Variants in GLI2 observed in about 807,000 individuals in gnomAD.
The protein encoded by GLI2 is GLI family zinc finger 2.
GLI2 carries 22 observed loss-of-function variants against 78.9 expected under a neutral mutation model. That is an observed-to-expected ratio of 0.28 (90% confidence interval 0.20 to 0.40). GLI2 has a LOEUF of 0.40. Ranked by LOEUF, GLI2 falls within the 10% of genes least tolerant of loss-of-function variation. The probability of loss-of-function intolerance (pLI) is 1.00; values close to 1 mark genes in which losing one functional copy is unlikely to be tolerated. For synonymous variants in GLI2, 974 were observed against 963.7 expected (o/e 1.01, Z -0.20); for missense variants, 2,097 against 2,213.2 (o/e 0.95, Z 1.05).
At chr2:120,915,741 A>G (rs1030444924) in intron 2 of GLI2, among the ~76,000 whole-genome samples, 4 of 152,096 alleles carry the variant, frequency 2.6e-5, no homozygotes, top group African/African-American at 9.7e-5. Context: ...AAGGGGAGAA[A>G]GTCCCTGGCA....
rs974236288 is a variant in GLI2 at position 120,888,555 on chromosome 2, G to A, written c.149-38806G>A. Among the ~76,000 whole-genome samples the A allele has an allele frequency of 5.9e-5, 9 of 152,204 alleles. 2 individuals carry two copies. The highest frequency in any genetic ancestry group is 5.2e-4 in the Admixed American group (8 of 15,300). On this transcript the variant is annotated intron_variant, in intron 2 of 13. Coordinates refer to ENST00000361492, the MANE Select transcript of GLI2 (RefSeq NM_001374353.1). ...GGCACCAGTGAGAGACACACAGGCC[G>A]TGAGGGCCATGTTCCCTAACAAACA... is the stretch of plus-strand genomic sequence containing the variant.
In GLI2 at chr2:120,975,062, T is replaced by C. The variant is rs992154166; in HGVS notation, c.1270T>C (p.Trp424Arg). 1 of 1,613,922 alleles carries C rather than the reference T, an allele frequency of 6.2e-7. No individual in the cohort carries two copies. The highest frequency in any genetic ancestry group is 8.5e-7 in the Non-Finnish European group (1 of 1,180,030). The change falls in exon 9 of 14, where the codon TGG becomes CGG. Residue 424 changes from tryptophan to arginine, a missense_variant. Coordinates refer to ENST00000361492, the MANE Select transcript of GLI2 (RefSeq NM_001374353.1). ...GGTCATCTATGAGACCAACTGCCAC[T>C]GGGAAGACTGCACCAAGGAGTACGA... is the stretch of plus-strand genomic sequence containing the variant. Reference protein sequence around the residue: ...EVVIYETNCHWEDCTKEYDTQ... With the variant: ...EVVIYETNCHREDCTKEYDTQ...
chr2:120,932,704 G>A (rs557956284), intron 3 of GLI2, among the ~76,000 whole-genome samples: 3 of 152,344 alleles, frequency 2.0e-5, no homozygotes, highest in Admixed American at 6.5e-5. Context: ...TGAGTAAAGC[G>A]TCTAGAACAC....
chr2:120,873,096 T>C (rs1488638611), intron 2 of GLI2, among the ~76,000 whole-genome samples: 1 of 152,216 alleles, frequency 6.6e-6, no homozygotes, highest in Non-Finnish European at 1.5e-5. Context: ...TGGGATTATA[T>C]TGTGCTTGCT....
chr2:120,851,080 A>G lies in GLI2; in HGVS notation c.148+53612A>G, dbSNP rs1401518948. Among the ~76,000 whole-genome samples, 9 of 152,324 alleles carry G rather than the reference A, an allele frequency of 5.9e-5. No individual in the cohort carries two copies. In the East Asian group the frequency reaches 1.7e-3, roughly 29 times the overall value. ...AAAAATCATACGCAGATCTTTTCTC[A>G]GCCTTTTGGCTAAGATCAAGTGTAA... On this transcript the variant is annotated intron_variant, in intron 2 of 13. Coordinates refer to ENST00000361492, the MANE Select transcript of GLI2 (RefSeq NM_001374353.1).
At chr2:120,915,378 C>T (rs944461692) in intron 2 of GLI2, among the ~76,000 whole-genome samples, 1 of 152,162 alleles carries the variant, frequency 6.6e-6, no homozygotes, top group Non-Finnish European at 1.5e-5. Context: ...CCTCCCCCCA[C>T]GTTTTTCCCC....
intron 2 of GLI2, among the ~76,000 whole-genome samples, chr2:120,816,850 G>A (rs1359242649): frequency 3.3e-5 from 5 of 152,122 alleles, no homozygotes; most frequent in Non-Finnish European, 7.4e-5. Flanking sequence ...AAGCCTTTTC[G>A]CCTAATTTGG....
chr2:120,783,765 G>GT (rs1306864656), intron 1 of GLI2, among the ~76,000 whole-genome samples: 1 of 152,136 alleles, frequency 6.6e-6, no homozygotes, highest in Admixed American at 6.5e-5. Flanking sequence ...TACTATCCAC[G>GT]TTGATTTAAG....
intron 2 of GLI2, among the ~76,000 whole-genome samples, chr2:120,917,769 C>G (rs1025310360): frequency 6.6e-6 from 1 of 152,232 alleles, no homozygotes; most frequent in African/African-American, 2.4e-5. Flanking sequence ...CTGATGCAGA[C>G]AAGGAGAGTG....
intron 2 of GLI2, among the ~76,000 whole-genome samples, chr2:120,863,655 T>C (rs1219745147): frequency 6.6e-6 from 1 of 152,242 alleles, no homozygotes; most frequent in Non-Finnish European, 1.5e-5. Flanking sequence ...ACTCATATTA[T>C]GTTACATTAT....
intron 2 of GLI2, among the ~76,000 whole-genome samples, chr2:120,917,401 C>T (rs1182435273): frequency 2.6e-5 from 4 of 152,234 alleles, no homozygotes; most frequent in African/African-American, 4.8e-5. Flanking sequence ...CCCAGGGCCC[C>T]GAGATGGCAC....
intron 1 of GLI2, among the ~76,000 whole-genome samples, chr2:120,765,793 C>T (rs561421266): frequency 1.3e-5 from 2 of 152,214 alleles, no homozygotes; most frequent in African/African-American, 2.4e-5. Flanking sequence ...GCCCATCAGG[C>T]GTCTTTGAGA....
At chr2:120,957,979 C>T (rs558945891) in intron 5 of GLI2, among the ~76,000 whole-genome samples, 1 of 152,314 alleles carries the variant, frequency 6.6e-6, no homozygotes, top group East Asian at 1.9e-4. Flanking sequence ...CCTGACCAAC[C>T]ATGAGCCCTG....
chr2:120,769,312 C>T (rs1683458009), intron 1 of GLI2, among the ~76,000 whole-genome samples: 1 of 152,222 alleles, frequency 6.6e-6, no homozygotes, highest in Non-Finnish European at 1.5e-5. Context: ...AGCCCATGGC[C>T]AGTGTTGGGC....
chr2:120,837,107 A>G (rs1573456124), intron 2 of GLI2, among the ~76,000 whole-genome samples: 6 of 152,278 alleles, frequency 3.9e-5, no homozygotes, highest in African/African-American at 1.4e-4. Flanking sequence ...AAAAATCTTA[A>G]TCTTAGGCCG....
intron 2 of GLI2, among the ~76,000 whole-genome samples, chr2:120,885,897 G>T (rs1677370824): frequency 6.6e-6 from 1 of 152,132 alleles, no homozygotes; most frequent in Admixed American, 6.5e-5. Flanking sequence ...ATCACACAGG[G>T]CCGTGAGCTA....
chr2:120,817,577 C>T (rs1171815643), intron 2 of GLI2, among the ~76,000 whole-genome samples: 1 of 152,202 alleles, frequency 6.6e-6, no homozygotes, highest in African/African-American at 2.4e-5. Flanking sequence ...CCTTTTCCCT[C>T]AGGTGAAGGT....
chr2:120,768,799 CTGTGTGTGTGTGTG>C (rs5833852), intron 1 of GLI2, among the ~76,000 whole-genome samples: 5 of 147,628 alleles, frequency 3.4e-5, no homozygotes, highest in Admixed American at 6.8e-5. Flanking sequence ...GGCCCCGCCC[CTGTGTGTGTGTGTG>C]TGTGTGTGTG....
At chr2:120,774,857 G>A (rs1683630928) in intron 1 of GLI2, among the ~76,000 whole-genome samples, 1 of 152,156 alleles carries the variant, frequency 6.6e-6, no homozygotes, top group African/African-American at 2.4e-5. Context: ...TTCCTCTGAG[G>A]GGTGACACAC....
Sources: allele counts gnomAD v4.1 joint callset (sites outside exome capture counted in the v4.1 genomes callset), GRCh38; gene constraint gnomAD v4.1.1; transcripts MANE v1.5; gene names NCBI Gene and HGNC (gene_info 2026-07-23, HGNC 2026-07-21).